The following RGS7 variants were observed in gnomAD, a reference collection of about 807,000 sequenced individuals.
RGS7 encodes regulator of G protein signaling 7.
In RGS7, 27 loss-of-function variants were observed where a neutral mutation model predicts 81.1. The observed-to-expected ratio is 0.33, with a 90% confidence interval of 0.25 to 0.46. The LOEUF is 0.46. RGS7 is among the 20% of genes least tolerant of loss of function. RGS7 has a pLI of 1.00. For synonymous variants in RGS7, 208 were observed against 207.7 expected (o/e 1.00, Z -0.01); for missense variants, 396 against 607.4 (o/e 0.65, Z 3.66).
chr1:241,026,330 G>A (rs2059780443), intron 3 of RGS7, among the ~76,000 whole-genome samples: 1 of 152,190 alleles, frequency 6.6e-6, no homozygotes, highest in Admixed American at 6.5e-5. Flanking sequence ...ACTCCTGCCT[G>A]TATTTCCAGA....
intron 3 of RGS7, among the ~76,000 whole-genome samples, chr1:241,072,362 T>C (rs1022154902): frequency 6.6e-6 from 1 of 152,166 alleles, no homozygotes; most frequent in African/African-American, 2.4e-5. Flanking sequence ...CATGGCATGA[T>C]GAGCAAGCTA....
At chr1:240,782,436 T>G (rs532565874) in intron 18 of RGS7, among the ~76,000 whole-genome samples, 1 of 152,268 alleles carries the variant, frequency 6.6e-6, no homozygotes, top group Non-Finnish European at 1.5e-5. Flanking sequence ...TTTTTTAAAT[T>G]TTTCGAGACA....
chr1:241,148,145 G>A (rs1265817743), intron 2 of RGS7, among the ~76,000 whole-genome samples: 6 of 149,848 alleles, frequency 4.0e-5, no homozygotes, highest in Admixed American at 4.0e-4. Flanking sequence ...CTGCCTCCCG[G>A]ATACAAGTCA....
intron 4 of RGS7, among the ~76,000 whole-genome samples, chr1:240,944,863 G>A (rs1372515727): frequency 6.6e-6 from 1 of 152,176 alleles, no homozygotes; most frequent in Non-Finnish European, 1.5e-5. Flanking sequence ...ACAGGCATGC[G>A]CCACCACGCC....
chr1:241,271,927 GTGTGTA>G lies in RGS7; in HGVS notation c.78+83766_78+83771del, dbSNP rs1183763029. Among the ~76,000 whole-genome samples the G allele has an allele frequency of 8.3e-6, 1 of 121,034 alleles. No individual in the cohort carries two copies. Among genetic ancestry groups the G allele is most frequent in the African/African-American group, 3.1e-5 (1 of 32,758 alleles). 79.4% of individuals were successfully genotyped at this position (121,034 alleles called of 152,430 possible). A position where few individuals can be genotyped will look rare whatever the true frequency, so the allele number is the denominator to read the frequency against. ...TGTGTGTGTGTGTGTGTGTGTGTGT[GTGTGTA>G]GACACACTATTGGTTCTGTTTCTCT... On this transcript the variant is annotated intron_variant, in intron 2 of 18. Coordinates refer to ENST00000440928, the MANE Select transcript of RGS7 (RefSeq NM_001364886.1). This position sits in a 1 kb window ranked among gnomAD's most constrained non-coding sequence, Gnocchi z 4.6.
At chr1:240,919,892 G>A in intron 6 of RGS7, 1 of 1,050,316 alleles carries the variant, frequency 9.5e-7, no homozygotes, top group Admixed American at 1.7e-5. Flanking sequence ...AGGTGGATGG[G>A]AGAGTTGTGG....
At chr1:240,841,712 C>A (rs915906938) in intron 9 of RGS7, among the ~76,000 whole-genome samples, 42 of 152,168 alleles carry the variant, frequency 2.8e-4, no homozygotes, top group African/African-American at 1.0e-3. Context: ...TCTGGTCTAA[C>A]TTAGCATCCA....
chr1:241,345,735 T>G (rs1344672892), intron 2 of RGS7, among the ~76,000 whole-genome samples: 2 of 152,000 alleles, frequency 1.3e-5, no homozygotes, highest in African/African-American at 4.8e-5. Context: ...AATAAAAAAT[T>G]TAATACTTAA....
chr1:240,829,037 G>A (rs534551380), intron 9 of RGS7, among the ~76,000 whole-genome samples: 69 of 152,310 alleles, frequency 4.5e-4, no homozygotes, highest in Non-Finnish European at 9.0e-4. Context: ...ATTGTGTAAT[G>A]AGGACAGAGG....
chr1:241,268,048 G>A (rs987189911), intron 2 of RGS7, among the ~76,000 whole-genome samples: 3 of 152,176 alleles, frequency 2.0e-5, no homozygotes, highest in Admixed American at 1.3e-4. Context: ...TGACCGGACC[G>A]TTGAGCACAC....
chr1:241,300,002 C>T (rs773712934), intron 2 of RGS7, among the ~76,000 whole-genome samples: 13 of 149,184 alleles, frequency 8.7e-5, no homozygotes, highest in Admixed American at 1.3e-4. Flanking sequence ...GTAATACCAG[C>T]CACTCGGGAG....
At chr1:240,992,972 A>T (rs1230695639) in intron 3 of RGS7, among the ~76,000 whole-genome samples, 1 of 151,788 alleles carries the variant, frequency 6.6e-6, no homozygotes, top group Non-Finnish European at 1.5e-5. Context: ...TCGAGATTGC[A>T]TGACTGCATT....
At chr1:241,335,249 T>G (rs375716840) in intron 2 of RGS7, among the ~76,000 whole-genome samples, 1 of 152,188 alleles carries the variant, frequency 6.6e-6, no homozygotes, top group East Asian at 1.9e-4. Flanking sequence ...CAGAGATACA[T>G]GCACATTTCA....
intron 2 of RGS7, among the ~76,000 whole-genome samples, chr1:241,216,975 A>G (rs891450924): frequency 6.6e-6 from 1 of 152,210 alleles, no homozygotes; most frequent in African/African-American, 2.4e-5. Flanking sequence ...ATTATTGTTA[A>G]TTGCCCTTAC....
intron 6 of RGS7, among the ~76,000 whole-genome samples, chr1:240,887,919 T>C (rs1667653814): frequency 6.6e-6 from 1 of 152,218 alleles, no homozygotes; most frequent in Non-Finnish European, 1.5e-5. Flanking sequence ...ATCACTATTT[T>C]CTATCAGTAG....
intron 2 of RGS7, among the ~76,000 whole-genome samples, chr1:241,140,145 C>A (rs73129634): frequency 0.039 from 5,982 of 152,278 alleles, 388 homozygotes; most frequent in African/African-American, 0.14. Context: ...GAGACACAGG[C>A]AGGTAGAGAG....
intron 2 of RGS7, among the ~76,000 whole-genome samples, chr1:241,230,208 T>TTTTA (rs778993707): frequency 1.1e-4 from 16 of 152,160 alleles, no homozygotes; most frequent in South Asian, 8.3e-4. Context: ...AAAAACTAAT[T>TTTTA]TTTATTTATT....
intron 4 of RGS7, among the ~76,000 whole-genome samples, chr1:240,961,112 A>C (rs538477211): frequency 6.6e-6 from 1 of 152,324 alleles, no homozygotes; most frequent in African/African-American, 2.4e-5. Flanking sequence ...AAAATGGTAA[A>C]AGTAATAAAA....
intron 4 of RGS7, among the ~76,000 whole-genome samples, chr1:240,948,627 G>C (rs1264451532): frequency 6.6e-6 from 1 of 151,854 alleles, no homozygotes; most frequent in Non-Finnish European, 1.5e-5. Context: ...AATTTTAGTA[G>C]AGACTGGGTT....
Sources: allele counts gnomAD v4.1 joint callset (sites outside exome capture counted in the v4.1 genomes callset), GRCh38; gene constraint gnomAD v4.1.1; non-coding constraint Gnocchi (gnomAD v3.1); transcripts MANE v1.5; gene names NCBI Gene and HGNC (gene_info 2026-07-23, HGNC 2026-07-21).